CERCAM: variants seen among roughly 807,000 people sequenced by gnomAD.
The protein encoded by CERCAM is cerebral endothelial cell adhesion molecule.
CERCAM carries 59 observed loss-of-function variants against 66.0 expected under a neutral mutation model. That is an observed-to-expected ratio of 0.89 (90% CI 0.73 to 1.11). The LOEUF is 1.11. Ranked by LOEUF, CERCAM falls within the 50% of genes most tolerant of loss-of-function variation. CERCAM has a pLI of 0.00. For synonymous variants in CERCAM, 318 were observed against 343.6 expected (o/e 0.93, Z 0.83); for missense variants, 840 against 828.3 (o/e 1.01, Z -0.17).
intron 5 of CERCAM, among the ~76,000 whole-genome samples, chr9:128,425,026 G>T (rs1833809469): frequency 6.9e-6 from 1 of 145,842 alleles, no homozygotes; most frequent in African/African-American, 2.6e-5. Flanking sequence ...CCAGCCAGTG[G>T]TTACTTTTAA....
intron 5 of CERCAM, among the ~76,000 whole-genome samples, chr9:128,426,367 G>A (rs1833846485): frequency 6.6e-6 from 1 of 152,074 alleles, no homozygotes; most frequent in Non-Finnish European, 1.5e-5. Flanking sequence ...GCTCACGCCT[G>A]TAATCTAAGC....
chr9:128,429,194 G>A (rs557680864), intron 8 of CERCAM, among the ~76,000 whole-genome samples, 158 bp downstream of exon 8: 3 of 152,094 alleles, frequency 2.0e-5, no homozygotes, highest in Non-Finnish European at 4.4e-5. Flanking sequence ...AGGGAGTTCC[G>A]GAGCAGACAC....
chr9:128,436,002 A>C, intron 12 of CERCAM, 97 bp downstream of exon 12: 1 of 1,274,974 alleles, frequency 7.8e-7, no homozygotes, highest in Non-Finnish European at 1.1e-6. Flanking sequence ...TCCCCTTCTC[A>C]GCCTTCTCTC....
Position 128,424,550 on chromosome 9 carries a change from A to T in CERCAM, c.702A>T (p.Pro234=). The T allele has an allele frequency of 6.2e-7, 1 of 1,614,114 alleles. No homozygotes were observed. The highest frequency in any genetic ancestry group is 1.3e-5 in the African/African-American group (1 of 75,032). The change falls in exon 5 of 13, where the codon CCA becomes CCT. Residue 234 remains proline (P), a synonymous_variant. Transcript: ENST00000372838. ...EGADQLAFYP[P]HPNYTWPFDD... ...CAGACCAGCTTGCTTTCTACCCGCC[A>T]CATCCCAACTACACTTGGCCTTTCG...
Position 128,434,015 on chromosome 9 carries a change from G to T in CERCAM, c.1204-87G>T, listed in dbSNP as rs996720716. The T allele has an allele frequency of 1.9e-6, 3 of 1,547,558 alleles. No individual in the cohort carries two copies. Among genetic ancestry groups the T allele is most frequent in the Non-Finnish European group, 2.6e-6 (3 of 1,142,974 alleles). The stretch of plus-strand genomic sequence containing the variant: ...GCATGATGTGGCCAGGCCAACTGAG[G>T]CCAGGCAGAGGCTGTGAGCTTCAGC... On this transcript the variant is annotated intron_variant, in intron 9 of 12. Coordinates refer to ENST00000372838, the MANE Select transcript of CERCAM (RefSeq NM_016174.5). The surrounding 1 kb of genome is among the most constrained non-coding windows in gnomAD (Gnocchi z 4.5).
At position 128,428,433 on chromosome 9, in the gene CERCAM, G is replaced by T; in HGVS notation, c.886+12G>T. Reference sequence around the variant, plus strand: ...CTTAGAAGCACTAGGTGAGGGCTGGGGAACTGTTCCACCCACCTGCTGCCG... The same window carrying T: ...CTTAGAAGCACTAGGTGAGGGCTGGTGAACTGTTCCACCCACCTGCTGCCG... On this transcript the variant is annotated intron_variant, in intron 6 of 12. Coordinates refer to ENST00000372838, the MANE Select transcript of CERCAM (RefSeq NM_016174.5). The T allele has an allele frequency of 6.2e-7, 1 of 1,613,716 alleles. No homozygotes were observed. Among genetic ancestry groups the T allele is most frequent in the Non-Finnish European group, 8.5e-7 (1 of 1,179,814 alleles).
chr9:128,428,500 G>T, intron 6 of CERCAM, 79 bp downstream of exon 6: 1 of 1,539,114 alleles, frequency 6.5e-7, no homozygotes, highest in Non-Finnish European at 8.8e-7. Flanking sequence ...CCTAGGCCCT[G>T]GACGGAGCGG....
rs1190133038 is a variant in CERCAM, at chr9:128,431,258, G to A, written c.1158G>A (p.Lys386=). ...QDPYSGRTLT[K]GEVGCFLSHY... ...CTTACTCGGGCCGCACTCTGACCAA[G>A]GGCGAGGTGGGCTGCTTCCTCAGCC... Residue 386 remains lysine, a synonymous_variant, in exon 9 of 13, where the codon AAG becomes AAA. Transcript: ENST00000372838. The A allele has an allele frequency of 6.2e-7, 1 of 1,613,982 alleles. No homozygotes were observed. The highest frequency in any genetic ancestry group is 1.3e-5 in the African/African-American group (1 of 74,926).
In CERCAM at chr9:128,420,881, C is replaced by T. The variant is rs1833692526; in HGVS notation, c.4C>T (p.Arg2Cys). 6 of 1,279,468 alleles carry T rather than the reference C, an allele frequency of 4.7e-6. No individual in the cohort carries two copies. Among genetic ancestry groups the T allele is most frequent in the Non-Finnish European group, 5.9e-6 (6 of 1,014,368 alleles). 79.3% of individuals were successfully genotyped at this position (1,279,468 alleles called of 1,614,324 possible). MRAARAAPLLQL... is the reference protein window; with the variant it reads MCAARAAPLLQL... ...TGCAGCCGCCCAAGCGCCCGCCATG[C>T]GCGCTGCCCGCGCCGCGCCGCTGCT... The change falls in exon 1 of 13, where the codon CGC becomes TGC. Residue 2 changes from arginine to cysteine, a missense_variant. Coordinates refer to ENST00000372838, the MANE Select transcript of CERCAM (RefSeq NM_016174.5). This position sits in a 1 kb window ranked among gnomAD's most constrained non-coding sequence, Gnocchi z 5.0.
rs1015027578 is a variant in CERCAM at position 128,424,564 on chromosome 9, C to T, written c.716C>T (p.Thr239Ile). The change falls in exon 5 of 13, where the codon ACT becomes ATT. Residue 239 changes from threonine (T) to isoleucine (I), a missense_variant. Thr to Ile is a moderately conservative substitution (Grantham distance 89). Transcript: ENST00000372838. Reference sequence around the variant, plus strand: ...TTCTACCCGCCACATCCCAACTACACTTGGCCTTTCGACGACATCATCGTC... The same window carrying T: ...TTCTACCCGCCACATCCCAACTACATTTGGCCTTTCGACGACATCATCGTC... ...LAFYPPHPNY[T>I]WPFDDIIVFA... is the part of the protein sequence containing the mutation. 1.9e-6 allele frequency: 3 copies of T among 1,614,222 alleles called. No homozygotes were observed. The highest frequency in any genetic ancestry group is 2.5e-6 in the Non-Finnish European group (3 of 1,180,054).
intron 5 of CERCAM, 71 bp downstream of exon 5, chr9:128,424,685 A>T: frequency 7.2e-7 from 1 of 1,381,932 alleles, no homozygotes; most frequent in Non-Finnish European, 1.0e-6. Flanking sequence ...CCAGCTGCTT[A>T]CCATGCCCTT....
At chr9:128,424,747 G>T in intron 5 of CERCAM, 133 bp downstream of exon 5, 1 of 756,020 alleles carries the variant, frequency 1.3e-6, no homozygotes, top group Non-Finnish European at 2.1e-6. Context: ...TTTGGGTCAT[G>T]AGTTTTCTTT....
At chr9:128,428,140 T>G (rs1375265413) in intron 5 of CERCAM, among the ~76,000 whole-genome samples, 162 bp from the exon 6 acceptor site, 2 of 152,138 alleles carry the variant, frequency 1.3e-5, no homozygotes, top group Non-Finnish European at 2.9e-5. Flanking sequence ...TTAGATATTG[T>G]GTGAGCCAAG....
intron 8 of CERCAM, among the ~76,000 whole-genome samples, chr9:128,429,954 T>A (rs2131337695): frequency 6.7e-6 from 1 of 149,258 alleles, no homozygotes; most frequent in South Asian, 2.1e-4. Context: ...ACACCCGGAT[T>A]AAAAAAAATG....
At chr9:128,436,037 T>C (rs1032974559) in intron 12 of CERCAM, 132 bp downstream of exon 12, 7 of 1,059,450 alleles carry the variant, frequency 6.6e-6, no homozygotes, top group Middle Eastern at 6.3e-4. Flanking sequence ...TAGCTTTGCC[T>C]TTATGTTTGT....
chr9:128,432,032 G>T (rs533658153), intron 9 of CERCAM: 1 of 152,516 alleles, frequency 6.6e-6, no homozygotes, highest in East Asian at 1.9e-4. Flanking sequence ...TTTTTGTTTT[G>T]TTTTGTTTTC....
rs377399550 is a variant in CERCAM, at chr9:128,435,728, C to T, written c.1611C>T (p.Thr537=). 2.5e-6 allele frequency: 4 copies of T among 1,613,662 alleles called. No individual in the cohort carries two copies. The East Asian group carries it at 6.7e-5, about 27-fold the overall frequency. ...FSAQPLLAAP[T]HYAGDAEWLS... ...CCCAGCCCCTGCTCGCTGCCCCTACCCACTATGCCGGGGACGCCGAGTGGC... is the reference window on the plus strand; with the variant it reads ...CCCAGCCCCTGCTCGCTGCCCCTACTCACTATGCCGGGGACGCCGAGTGGC... Residue 537 remains threonine (T), a synonymous_variant, in exon 12 of 13, where the codon ACC becomes ACT. Transcript: ENST00000372838.
intron 12 of CERCAM, 146 bp from the exon 13 acceptor site, chr9:128,436,703 C>T (rs1834122358): frequency 6.6e-6 from 1 of 152,430 alleles, no homozygotes; most frequent in African/African-American, 2.4e-5. Context: ...TATAATTGTA[C>T]CTTCAGCTGT....
chr9:128,424,513 G>A lies in CERCAM; in HGVS notation c.665G>A (p.Arg222Gln), dbSNP rs770815760. The A allele has an allele frequency of 1.9e-5, 30 of 1,613,844 alleles. No homozygotes were observed. Among genetic ancestry groups the A allele is most frequent in the Non-Finnish European group, 1.7e-5 (20 of 1,180,028 alleles). The change falls in exon 5 of 13, where the codon CGG becomes CAG. Residue 222 changes from arginine (R) to glutamine (Q), a missense_variant. Coordinates refer to ENST00000372838, the MANE Select transcript of CERCAM (RefSeq NM_016174.5). ...MVHSTFLASL[R>Q]AEGADQLAFY... ...CACTCCACCTTCCTTGCATCCCTGC[G>A]GGCTGAAGGGGCAGACCAGCTTGCT...
Sources: allele counts gnomAD v4.1 joint callset (sites outside exome capture counted in the v4.1 genomes callset), GRCh38; gene constraint gnomAD v4.1.1; non-coding constraint Gnocchi (gnomAD v3.1); transcripts MANE v1.5; gene names NCBI Gene and HGNC (gene_info 2026-07-23, HGNC 2026-07-21).